Variants in NFATC3 observed in about 807,000 individuals in gnomAD.
The protein encoded by NFATC3 is nuclear factor of activated T cells 3, also known as nuclear factor of activated T-cells, cytoplasmic 3.
A neutral mutation model predicts 98.6 loss-of-function variants in NFATC3; 46 were observed. The observed-to-expected ratio is 0.47, with a 90% CI of 0.37 to 0.60. NFATC3 has a LOEUF of 0.60. Ranked by LOEUF, NFATC3 falls within the 20% of genes least tolerant of loss-of-function variation. The probability of loss-of-function intolerance (pLI) is 0.00; values close to 1 mark genes in which losing one functional copy is unlikely to be tolerated. For missense variants in NFATC3, 1,256 were observed against 1,295.5 expected, an observed-to-expected ratio of 0.97 and a Z score of 0.47; for synonymous variants, 512 against 472.2, an observed-to-expected ratio of 1.08 and a Z score of -1.09.
chr16:68,101,501 T>C lies in NFATC3; in HGVS notation c.103+15717T>C, dbSNP rs2035355829. 7.3e-5 allele frequency among the ~76,000 whole-genome samples: 11 copies of C among 151,450 alleles called. No individual in the cohort carries two copies. The South Asian group carries it at 2.3e-3, about 32-fold the overall frequency. On this transcript the variant is annotated intron_variant, in intron 1 of 9. Transcript: ENST00000346183. ...AGGTTTTTTTTTTTGTTTTTTTTTT[T>C]GAGACGGAGTCTCGCTCTGTTGCCC...
chr16:68,100,281 A>G (rs556207299), intron 1 of NFATC3, among the ~76,000 whole-genome samples: 1 of 152,114 alleles, frequency 6.6e-6, no homozygotes, highest in South Asian at 2.1e-4. Context: ...ATTTAGTTTT[A>G]TAAGAAACTG....
rs12597380 is a variant in NFATC3, at chr16:68,138,684, A to G, written c.1401+12074A>G. ...TGGCTACAAGTAGTCACATGGCCCT[A>G]CTTACATGCAGAAGTACTGGGAAAA... On this transcript the variant is annotated intron_variant, in intron 3 of 9. Transcript: ENST00000346183. 8,945 of 1,287,186 alleles carry G rather than the reference A, an allele frequency of 6.9e-3. 334 individuals are homozygous for G. In the East Asian group the frequency reaches 0.18, roughly 26 times the overall value. The allele number at this position is 1,287,186 out of a possible 1,614,324, so 79.7% of individuals were successfully genotyped here. A position where few individuals can be genotyped will look rare whatever the true frequency, so the allele number is the denominator to read the frequency against.
chr16:68,171,151 G>A (rs12600144), intron 5 of NFATC3, among the ~76,000 whole-genome samples: 16,445 of 152,040 alleles, frequency 0.11, 1,001 homozygotes, highest in South Asian at 0.19. Flanking sequence ...GTGATTACAG[G>A]TGCCTACCAC....
At chr16:68,176,057 C>T (rs2039685875) in intron 6 of NFATC3, among the ~76,000 whole-genome samples, 1 of 151,722 alleles carries the variant, frequency 6.6e-6, no homozygotes, top group African/African-American at 2.4e-5. Flanking sequence ...CAGCTCACTG[C>T]AACCTCCACC....
intron 9 of NFATC3, among the ~76,000 whole-genome samples, chr16:68,211,211 T>A (rs2041374486): frequency 6.6e-6 from 1 of 152,104 alleles, no homozygotes; most frequent in African/African-American, 2.4e-5. Flanking sequence ...TGTTTTGAGA[T>A]GGAGTCTCGC....
At chr16:68,135,807 A>G (rs2037372855) in intron 3 of NFATC3, among the ~76,000 whole-genome samples, 1 of 152,232 alleles carries the variant, frequency 6.6e-6, no homozygotes, top group African/African-American at 2.4e-5. Flanking sequence ...TCACGCCTGT[A>G]ATCCCAGCAC....
chr16:68,171,597 C>T (rs2039463955), intron 5 of NFATC3, among the ~76,000 whole-genome samples: 1 of 151,848 alleles, frequency 6.6e-6, no homozygotes. Context: ...CTTCAGCCTC[C>T]CAAATAGCTG....
chr16:68,189,584 A>G (rs533947478), intron 8 of NFATC3, among the ~76,000 whole-genome samples: 35 of 152,314 alleles, frequency 2.3e-4, no homozygotes, highest in African/African-American at 8.4e-4. Context: ...TTAAAAAAAG[A>G]TCACTTTGGA....
At chr16:68,217,716 G>C in intron 9 of NFATC3, 1 of 1,231,592 alleles carries the variant, frequency 8.1e-7, no homozygotes. Context: ...CTTAGGTTTT[G>C]TCAAAGCAGA....
intron 3 of NFATC3, among the ~76,000 whole-genome samples, chr16:68,143,990 A>T (rs1181894832): frequency 2.0e-5 from 3 of 152,348 alleles, no homozygotes; most frequent in South Asian, 2.1e-4. Context: ...AAAGAAAAAA[A>T]TTGATAAATT....
intron 9 of NFATC3, among the ~76,000 whole-genome samples, chr16:68,215,342 T>G (rs2041591937): frequency 6.6e-6 from 1 of 152,090 alleles, no homozygotes; most frequent in South Asian, 2.1e-4. Flanking sequence ...CTCAGGAGAG[T>G]TATAACCAGA....
In NFATC3 at chr16:68,112,234, C is replaced by T. The variant is rs115091350; in HGVS notation, c.104-9753C>T. The stretch of plus-strand genomic sequence containing the variant: ...TTTTCCGACTTGGATGCGATCTCCC[C>T]GTCTCTTTCAGGTACCCCAGTTGTA... On this transcript the variant is annotated intron_variant, in intron 1 of 9. Transcript: ENST00000346183. Among the ~76,000 whole-genome samples the T allele has an allele frequency of 3.8e-3, 561 of 149,494 alleles. 2 individuals are homozygous for T. The highest frequency in any genetic ancestry group is 0.013 in the African/African-American group (531 of 40,426).
At chr16:68,183,099 C>A in intron 7 of NFATC3, 141 bp from the exon 8 acceptor site, 2 of 782,736 alleles carry the variant, frequency 2.6e-6, no homozygotes, top group Non-Finnish European at 3.9e-6. Context: ...AGTAAATCTC[C>A]AGATGATGTA....
chr16:68,153,704 C>T (rs1415545828), intron 3 of NFATC3, among the ~76,000 whole-genome samples: 5 of 152,164 alleles, frequency 3.3e-5, no homozygotes, highest in African/African-American at 4.8e-5. Flanking sequence ...AGCTCCACCT[C>T]CTGGGTTCAC....
intron 6 of NFATC3, among the ~76,000 whole-genome samples, chr16:68,177,141 G>A (rs1598512916): frequency 1.3e-5 from 2 of 150,302 alleles, no homozygotes. Flanking sequence ...TCTGCCTCCC[G>A]GGTTCAAGTG....
chr16:68,132,427 A>C (rs370612876), intron 3 of NFATC3, among the ~76,000 whole-genome samples: 1 of 152,220 alleles, frequency 6.6e-6, no homozygotes, highest in African/African-American at 2.4e-5. Flanking sequence ...AAAGAATAAA[A>C]GATCCTTTAC....
intron 6 of NFATC3, among the ~76,000 whole-genome samples, chr16:68,179,529 A>G (rs1397378238): frequency 6.6e-6 from 1 of 152,232 alleles, no homozygotes; most frequent in Non-Finnish European, 1.5e-5. Context: ...GCATTTGATG[A>G]AATATTTCAT....
intron 4 of NFATC3, among the ~76,000 whole-genome samples, chr16:68,163,854 A>C (rs1387507611): frequency 3.1e-5 from 4 of 129,958 alleles, no homozygotes; most frequent in Admixed American, 7.7e-5. Flanking sequence ...GGCGGCCGGG[A>C]AGAGGCGCTC....
intron 4 of NFATC3, among the ~76,000 whole-genome samples, chr16:68,165,608 C>T (rs1251973818): frequency 6.6e-6 from 1 of 152,024 alleles, no homozygotes; most frequent in Non-Finnish European, 1.5e-5. Context: ...GTTGGCTAGG[C>T]TGGTCTCGAA....
Sources: allele counts gnomAD v4.1 joint callset (sites outside exome capture counted in the v4.1 genomes callset), GRCh38; gene constraint gnomAD v4.1.1; transcripts MANE v1.5; gene names NCBI Gene and HGNC (gene_info 2026-07-23, HGNC 2026-07-21).